RNF24: variants seen among roughly 807,000 people sequenced by gnomAD.
The protein encoded by RNF24 is ring finger protein 24.
Under a neutral mutation model 20.0 loss-of-function variants are expected in RNF24, and 14 were observed. The observed-to-expected ratio is 0.70, with a 90% CI of 0.46 to 1.10. The LOEUF (loss-of-function observed/expected upper bound fraction) is 1.10. Among genes scored for constraint, RNF24 ranks in the 50% least tolerant of loss-of-function variants. The pLI is 0.00. For synonymous variants in RNF24, 45 were observed against 61.1 expected (o/e 0.74, Z 1.23); for missense variants, 124 against 177.6 (o/e 0.70, Z 1.71).
At chr20:3,972,784 T>A (rs1978471463) in intron 1 of RNF24, among the ~76,000 whole-genome samples, 1 of 151,808 alleles carries the variant, frequency 6.6e-6, no homozygotes, top group Non-Finnish European at 1.5e-5. Context: ...GCACCTGTAG[T>A]CCCAGTTACT....
At chr20:3,946,229 G>T (rs1308572580) in intron 3 of RNF24, among the ~76,000 whole-genome samples, 2 of 152,130 alleles carry the variant, frequency 1.3e-5, no homozygotes, top group Admixed American at 1.3e-4. Context: ...CACTTTGGGA[G>T]GCCGAGGTGG....
chr20:4,007,282 T>C (rs948871892), intron 1 of RNF24, among the ~76,000 whole-genome samples: 1 of 152,178 alleles, frequency 6.6e-6, no homozygotes, highest in African/African-American at 2.4e-5. Context: ...GCTGTAGGAA[T>C]CCCTTAGGGT....
chr20:3,971,960 A>T (rs1978389013), intron 1 of RNF24, among the ~76,000 whole-genome samples: 1 of 152,228 alleles, frequency 6.6e-6, no homozygotes, highest in Admixed American at 6.5e-5. Context: ...ATGGAAAAAG[A>T]TATGTAATGC....
chr20:4,014,216 C>T (rs907595754), intron 1 of RNF24, among the ~76,000 whole-genome samples: 6 of 152,186 alleles, frequency 3.9e-5, no homozygotes, highest in African/African-American at 1.4e-4. Flanking sequence ...AGCAAGGGCG[C>T]ATGCCAGGGT....
intron 1 of RNF24, among the ~76,000 whole-genome samples, chr20:4,014,845 G>A (rs922679455): frequency 1.6e-4 from 24 of 151,618 alleles, no homozygotes; most frequent in Admixed American, 3.9e-4. Flanking sequence ...CACGCCCCCT[G>A]CCCACAGATG....
At chr20:3,985,929 G>A (rs1027613328) in intron 1 of RNF24, among the ~76,000 whole-genome samples, 1 of 151,896 alleles carries the variant, frequency 6.6e-6, no homozygotes, top group Admixed American at 6.6e-5. Context: ...ATAGAGATGG[G>A]GTTTCTCCTA....
intron 1 of RNF24, among the ~76,000 whole-genome samples, chr20:3,973,500 C>CAAAAAAAAAAAA (rs56824542): frequency 3.0e-4 from 30 of 101,102 alleles, no homozygotes; most frequent in East Asian, 1.6e-3. Context: ...GGAAGAATGA[C>CAAAAAAAAAAAA]AAAAAAAAAA....
At chr20:3,957,146 A>C (rs1002645889) in intron 2 of RNF24, among the ~76,000 whole-genome samples, 6 of 152,056 alleles carry the variant, frequency 3.9e-5, no homozygotes, top group African/African-American at 1.5e-4. Context: ...AAAAATACAA[A>C]AATTAGCCAG....
chr20:3,933,485 GTGT>G lies in RNF24; in HGVS notation c.*575_*577del, dbSNP rs2146934641. On this transcript the variant is annotated 3_prime_UTR_variant, in exon 6 of 6. Coordinates refer to ENST00000358395, the MANE Select transcript of RNF24 (RefSeq NM_001134337.3). ...TTCAGCTTAGATGATTTGATAGCAGGTGTTGTAATCCTGAGGGGGAAATGGGTG... is the reference window on the plus strand; with the variant it reads ...TTCAGCTTAGATGATTTGATAGCAGGTGTAATCCTGAGGGGGAAATGGGTG... 3.6e-6 allele frequency: 1 copy of G among 278,218 alleles called. No individual in the cohort carries two copies. Among genetic ancestry groups the G allele is most frequent in the East Asian group, 6.1e-5 (1 of 16,294 alleles). 17.2% of individuals were successfully genotyped at this position (278,218 alleles called of 1,614,324 possible).
Position 3,928,015 on chromosome 20 carries a change from T to TC in RNF24, c.*6047dup, listed in dbSNP as rs2090751702. On this transcript the variant is annotated 3_prime_UTR_variant, in exon 6 of 6. Transcript: ENST00000358395. ...ACAAGCCCCTCTTTTTCTTCTGATA[T>TC]CCCCACTCAAATGGAAGCACACTCC... 6.6e-6 allele frequency: 1 copy of TC among 152,170 alleles called. No individual in the cohort carries two copies. Among genetic ancestry groups the TC allele is most frequent in the Admixed American group, 6.6e-5 (1 of 15,262 alleles). The allele number at this position is 152,170 out of a possible 1,614,324, so 9.4% of individuals were successfully genotyped here. A position where few individuals can be genotyped will look rare whatever the true frequency, so the allele number is the denominator to read the frequency against.
intron 1 of RNF24, among the ~76,000 whole-genome samples, chr20:3,994,343 C>T (rs916306924): frequency 6.6e-6 from 1 of 152,134 alleles, no homozygotes; most frequent in Non-Finnish European, 1.5e-5. Flanking sequence ...ACCTGTCCAT[C>T]AACAGTCAGT....
chr20:3,958,435 A>T (rs572234246), intron 2 of RNF24, among the ~76,000 whole-genome samples: 56 of 152,246 alleles, frequency 3.7e-4, no homozygotes, highest in Middle Eastern at 6.8e-3. Flanking sequence ...ACTTTCACCT[A>T]CTAGCCAGGT....
chr20:3,954,140 AGT>A (rs1228713570), intron 2 of RNF24, among the ~76,000 whole-genome samples: 2 of 152,180 alleles, frequency 1.3e-5, no homozygotes, highest in Non-Finnish European at 2.9e-5. Flanking sequence ...TTCAGTGGTA[AGT>A]AGTGTACTCA....
chr20:3,953,488 G>A (rs901922373), intron 2 of RNF24, among the ~76,000 whole-genome samples: 19 of 146,554 alleles, frequency 1.3e-4, no homozygotes, highest in East Asian at 2.0e-4. Context: ...TTTTTGAGAC[G>A]GAGTCTTGCT....
At chr20:4,009,954 G>A (rs1192256145) in intron 1 of RNF24, among the ~76,000 whole-genome samples, 1 of 152,180 alleles carries the variant, frequency 6.6e-6, no homozygotes, top group Non-Finnish European at 1.5e-5. Flanking sequence ...GGGAGGCTGA[G>A]GCAGGAGAAT....
rs896576935 is a variant in RNF24 at position 3,932,102 on chromosome 20, G to A, written c.*1961C>T. ...TCTTTCCTATTAGAGCCCCATAACAGAGGTGACATCTGTCCCAAGGCCATT... is the reference window on the plus strand; with the variant it reads ...TCTTTCCTATTAGAGCCCCATAACAAAGGTGACATCTGTCCCAAGGCCATT... On this transcript the variant is annotated 3_prime_UTR_variant, in exon 6 of 6. Transcript: ENST00000358395. The A allele has an allele frequency of 6.6e-6, 1 of 152,190 alleles. No homozygotes were observed. Among genetic ancestry groups the A allele is most frequent in the Non-Finnish European group, 1.5e-5 (1 of 68,036 alleles). The allele number at this position is 152,190 out of a possible 1,614,324, so 9.4% of individuals were successfully genotyped here.
At chr20:3,972,605 A>G (rs1252483558) in intron 1 of RNF24, among the ~76,000 whole-genome samples, 1 of 152,232 alleles carries the variant, frequency 6.6e-6, no homozygotes, top group African/African-American at 2.4e-5. Flanking sequence ...GAATTGATTG[A>G]AAATGAAAAT....
chr20:3,930,708 TAGAGCGGGATC>T lies in RNF24; in HGVS notation c.*3344_*3354del, dbSNP rs2090810870. On this transcript the variant is annotated 3_prime_UTR_variant, in exon 6 of 6. Transcript: ENST00000358395. ...TAATTCCTAGTTGTTCAAAGTAGCT[TAGAGCGGGATC>T]AGGCCAGGGAGATGACATGATTTTG... 1 of 152,300 alleles carries T rather than the reference TAGAGCGGGATC, an allele frequency of 6.6e-6. No homozygotes were observed. The highest frequency in any genetic ancestry group is 2.4e-5 in the African/African-American group (1 of 41,450). 9.4% of individuals were successfully genotyped at this position (152,300 alleles called of 1,614,324 possible). A position where few individuals can be genotyped will look rare whatever the true frequency, so the allele number is the denominator to read the frequency against.
rs985709063 is a variant in RNF24, at chr20:4,008,118, T to C, written c.-8+7319A>G. Among the ~76,000 whole-genome samples, 4 of 149,646 alleles carry C rather than the reference T, an allele frequency of 2.7e-5. No homozygotes were observed. In the South Asian group the frequency reaches 8.3e-4, roughly 31 times the overall value. ...GTTTACTCCCAAGACGAGTACTGAG[T>C]TTCGTGTTTTACATATTATCTCATT... is the stretch of plus-strand genomic sequence containing the variant. On this transcript the variant is annotated intron_variant, in intron 1 of 5. Transcript: ENST00000358395.
Sources: gnomAD v4.1 joint callset for allele counts (sites outside exome capture counted in the v4.1 genomes callset) on GRCh38, gnomAD v4.1.1 for gene constraint, MANE v1.5 for transcripts, NCBI Gene and HGNC (gene_info 2026-07-23, HGNC 2026-07-21) for gene names.